Variants in IGF1R observed in about 807,000 individuals in gnomAD.
The protein encoded by IGF1R is insulin like growth factor 1 receptor, also known as insulin-like growth factor 1 receptor.
IGF1R carries 44 observed loss-of-function variants against 144.6 expected under a neutral mutation model. The ratio of observed to expected loss-of-function variants is 0.30; its 90% CI spans 0.24 to 0.39. The LOEUF (loss-of-function observed/expected upper bound fraction) is 0.39, where lower values mean the gene tolerates loss of function less well. Among genes scored for constraint, IGF1R ranks in the 10% least tolerant of loss-of-function variants. The pLI is 1.00. For missense variants in IGF1R, 1,355 were observed against 1,833.7 expected (o/e 0.74, Z 4.77); for synonymous variants, 795 against 722.8 (o/e 1.10, Z -1.60).
intron 2 of IGF1R, among the ~76,000 whole-genome samples, chr15:98,751,242 C>T (rs754553511): frequency 4.6e-5 from 7 of 152,118 alleles, no homozygotes; most frequent in African/African-American, 1.7e-4. Context: ...GCTCTGTCAC[C>T]CAGGCTGGGG....
intron 2 of IGF1R, among the ~76,000 whole-genome samples, chr15:98,849,913 CTT>C (rs984130248): frequency 1.3e-5 from 2 of 152,346 alleles, no homozygotes; most frequent in Admixed American, 6.5e-5. Flanking sequence ...ATAACACACT[CTT>C]TGGAAAACAA....
chr15:98,767,129 C>CT (rs2055455141), intron 2 of IGF1R, among the ~76,000 whole-genome samples: 1 of 152,240 alleles, frequency 6.6e-6, no homozygotes, highest in Non-Finnish European at 1.5e-5. Flanking sequence ...ATCTGTATTT[C>CT]TTTTTGTTGT....
At chr15:98,793,052 G>A (rs971761445) in intron 2 of IGF1R, among the ~76,000 whole-genome samples, 6 of 152,080 alleles carry the variant, frequency 3.9e-5, no homozygotes, top group African/African-American at 1.4e-4. Context: ...CATTCCCCAG[G>A]GTCACTGCAA....
At chr15:98,864,003 A>T (rs776469134) in intron 2 of IGF1R, among the ~76,000 whole-genome samples, 1 of 152,158 alleles carries the variant, frequency 6.6e-6, no homozygotes, top group Non-Finnish European at 1.5e-5. Flanking sequence ...CATGCCTGTT[A>T]TCCCAGCACT....
At chr15:98,892,797 CTTGAGGCCATGGG>C (rs2013994083) in intron 3 of IGF1R, among the ~76,000 whole-genome samples, 1 of 152,032 alleles carries the variant, frequency 6.6e-6, no homozygotes, top group Admixed American at 6.6e-5. Context: ...GGGCAGATCC[CTTGAGGCCATGGG>C]TTCAAGACCA....
chr15:98,957,162 G>C lies in IGF1R; in HGVS notation c.3824G>C (p.Arg1275Pro), dbSNP rs556294716. ...AAAGAGGAGATGGAGCCTGGCTTCC[G>C]GGAGGTCTCCTTCTACTACAGCGAG... is the stretch of plus-strand genomic sequence containing the variant. Reference protein sequence around the residue: ...SIKEEMEPGFREVSFYYSEEN... With the variant: ...SIKEEMEPGFPEVSFYYSEEN... Residue 1275 changes from arginine to proline, a missense_variant, in exon 21 of 21, where the codon CGG becomes CCG. Transcript: ENST00000650285. 25 of 1,614,232 alleles carry C rather than the reference G, an allele frequency of 1.5e-5. No homozygotes were observed. Among genetic ancestry groups the C allele is most frequent in the Non-Finnish European group, 2.0e-5 (24 of 1,180,046 alleles).
intron 2 of IGF1R, chr15:98,873,973 C>T (rs1005361005): frequency 2.0e-5 from 3 of 152,176 alleles, no homozygotes; most frequent in Non-Finnish European, 2.9e-5. Flanking sequence ...TACCACACCT[C>T]GTGGGTGAAA....
At chr15:98,818,292 A>C (rs896938371) in intron 2 of IGF1R, among the ~76,000 whole-genome samples, 29 of 152,214 alleles carry the variant, frequency 1.9e-4, no homozygotes, top group Admixed American at 1.0e-3. Flanking sequence ...AGATGGGACC[A>C]GAGCAGAGAG....
intron 2 of IGF1R, among the ~76,000 whole-genome samples, chr15:98,885,788 T>C (rs1008064815): frequency 5.3e-5 from 8 of 152,134 alleles, no homozygotes; most frequent in African/African-American, 1.9e-4. Context: ...TTTCATGTTT[T>C]GTTCCTTGTG....
intron 2 of IGF1R, among the ~76,000 whole-genome samples, chr15:98,792,163 C>A (rs1317621149): frequency 6.6e-6 from 1 of 152,150 alleles, no homozygotes; most frequent in Non-Finnish European, 1.5e-5. Flanking sequence ...GTTAGGTATG[C>A]CTGACAGCTC....
intron 2 of IGF1R, among the ~76,000 whole-genome samples, chr15:98,811,325 C>G (rs1303563528): frequency 2.7e-5 from 4 of 150,094 alleles, no homozygotes; most frequent in Non-Finnish European, 4.4e-5. Flanking sequence ...TCGAGACCAT[C>G]CTGGCTAACA....
chr15:98,764,213 T>C (rs2055377418), intron 2 of IGF1R, among the ~76,000 whole-genome samples: 1 of 152,248 alleles, frequency 6.6e-6, no homozygotes, highest in Non-Finnish European at 1.5e-5. Context: ...GTGTCTTTAC[T>C]GGGATATAAC....
Position 98,810,759 on chromosome 15 carries a change from A to G in IGF1R, c.641-80566A>G, listed in dbSNP as rs769467045. Among the ~76,000 whole-genome samples the G allele has an allele frequency of 3.0e-3, 461 of 151,516 alleles. 8 individuals carry two copies. The highest frequency in any genetic ancestry group is 1.2e-3 in the Non-Finnish European group (83 of 67,796). Reference sequence around the variant, plus strand: ...GAGACGGGGTTTCACCGTGTTAGCCAGGATGGTCTTGATCTCCTGACCTCG... The same window carrying G: ...GAGACGGGGTTTCACCGTGTTAGCCGGGATGGTCTTGATCTCCTGACCTCG... On this transcript the variant is annotated intron_variant, in intron 2 of 20. Coordinates refer to ENST00000650285, the MANE Select transcript of IGF1R (RefSeq NM_000875.5).
intron 1 of IGF1R, among the ~76,000 whole-genome samples, chr15:98,656,437 T>G (rs914957361): frequency 1.3e-5 from 2 of 152,100 alleles, no homozygotes; most frequent in African/African-American, 2.4e-5. Context: ...TAATCCCAGC[T>G]ACGTGAGAGG....
At chr15:98,745,095 TTGAA>T (rs2054832158) in intron 2 of IGF1R, among the ~76,000 whole-genome samples, 1 of 152,232 alleles carries the variant, frequency 6.6e-6, no homozygotes, top group African/African-American at 2.4e-5. Flanking sequence ...TTGCATTTGT[TTGAA>T]TGGTCACTTC....
intron 2 of IGF1R, among the ~76,000 whole-genome samples, chr15:98,844,380 C>A (rs776644686): frequency 7.9e-5 from 12 of 152,130 alleles, no homozygotes; most frequent in Non-Finnish European, 1.8e-4. Flanking sequence ...TATTCTAAGT[C>A]CTGAACATCT....
At chr15:98,667,410 C>G (rs1463865865) in intron 1 of IGF1R, among the ~76,000 whole-genome samples, 1 of 152,114 alleles carries the variant, frequency 6.6e-6, no homozygotes, top group Non-Finnish European at 1.5e-5. Flanking sequence ...AAGGGATTGA[C>G]CTCTGCAGGC....
At chr15:98,740,675 TTAG>T (rs1285760744) in intron 2 of IGF1R, among the ~76,000 whole-genome samples, 1 of 152,154 alleles carries the variant, frequency 6.6e-6, no homozygotes, top group African/African-American at 2.4e-5. Context: ...ACAGATTTGG[TTAG>T]TAGTATTTTG....
At chr15:98,684,561 C>T (rs1362379302) in intron 1 of IGF1R, among the ~76,000 whole-genome samples, 2 of 152,206 alleles carry the variant, frequency 1.3e-5, no homozygotes, top group African/African-American at 4.8e-5. Context: ...ATACTTAGCA[C>T]AGCCCTCAGT....
Sources: allele counts gnomAD v4.1 joint callset (sites outside exome capture counted in the v4.1 genomes callset), GRCh38; gene constraint gnomAD v4.1.1; transcripts MANE v1.5; gene names NCBI Gene and HGNC (gene_info 2026-07-23, HGNC 2026-07-21).